Variants in NAV2 observed in about 807,000 individuals in gnomAD.
NAV2 encodes the protein neuron navigator 2, also known as helicase, APC down-regulated 1.
A neutral mutation model predicts 223.2 loss-of-function variants in NAV2; 54 were observed. The observed-to-expected ratio is 0.24, with a 90% CI of 0.19 to 0.30. The LOEUF (loss-of-function observed/expected upper bound fraction) is 0.30. Among genes scored for constraint, NAV2 ranks in the 10% least tolerant of loss-of-function variants. The pLI, the probability that NAV2 is intolerant of heterozygous loss-of-function variation, is 1.00. For synonymous variants in NAV2, 1,279 were observed against 1,239.3 expected (o/e 1.03, Z -0.67); for missense variants, 2,806 against 3,147.5 (o/e 0.89, Z 2.60).
At chr11:19,762,360 C>A (rs2054827664) in intron 1 of NAV2, among the ~76,000 whole-genome samples, 1 of 152,214 alleles carries the variant, frequency 6.6e-6, no homozygotes, top group Non-Finnish European at 1.5e-5. Context: ...CAAATCCCTA[C>A]AATGATATGC....
rs184636694 is a variant in NAV2 at position 19,795,259 on chromosome 11, A to G, written c.268-37225A>G. On this transcript the variant is annotated intron_variant, in intron 1 of 37. Transcript: ENST00000349880. ...ACTGCTGTCCTGATAAGCCAAATAGATTAGATATTTGGAATTCCCCAGAAC... is the reference window on the plus strand; with the variant it reads ...ACTGCTGTCCTGATAAGCCAAATAGGTTAGATATTTGGAATTCCCCAGAAC... 1.6e-4 allele frequency among the ~76,000 whole-genome samples: 25 copies of G among 152,354 alleles called. 1 individual carries two copies. The East Asian group carries it at 1.9e-3, about 12-fold the overall frequency.
At chr11:19,694,525 A>G (rs2049271459) in intron 1 of NAV2, among the ~76,000 whole-genome samples, 1 of 152,172 alleles carries the variant, frequency 6.6e-6, no homozygotes, top group Non-Finnish European at 1.5e-5. Flanking sequence ...GTTTTATCCT[A>G]TTTTACACTG....
rs191055474 is a variant in NAV2, at chr11:19,627,110, G to A, written c.76-205374G>A. On this transcript the variant is annotated intron_variant, in intron 1 of 37. Transcript: ENST00000360655. ...GAAGGTCAAGAGATCCATGTGGGCC[G>A]GGTGCGGTGACTCACGCCTGTAATC... Among the ~76,000 whole-genome samples the A allele has an allele frequency of 3.3e-3, 498 of 152,262 alleles. 5 individuals carry two copies. The highest frequency in any genetic ancestry group is 0.011 in the African/African-American group (475 of 41,542).
rs531364875 is a variant in NAV2, at chr11:20,018,001, G to T, written c.2769-17958G>T. On this transcript the variant is annotated intron_variant, in intron 11 of 37. Transcript: ENST00000349880. The stretch of plus-strand genomic sequence containing the variant: ...TTGTTCTGTTACTAGCAAGCAAGAA[G>T]AAAGCAACTGAATTGAGTATAATAC... Among the ~76,000 whole-genome samples the T allele has an allele frequency of 4.6e-5, 7 of 152,206 alleles. No individual in the cohort carries two copies. In the South Asian group the frequency reaches 1.4e-3, roughly 32 times the overall value.
In NAV2 at chr11:19,596,601, C is replaced by T. The variant is rs757650312; in HGVS notation, c.76-235883C>T. ...TTGGCCAGCCTCCCACTGCCCCGGA[C>T]ACCAGGGCAGTGGCCTCAGAGCAGA... On this transcript the variant is annotated intron_variant, in intron 1 of 37. Transcript: ENST00000360655. Among the ~76,000 whole-genome samples, 88 of 152,214 alleles carry T rather than the reference C, an allele frequency of 5.8e-4. 2 individuals are homozygous for T. The highest frequency in any genetic ancestry group is 7.9e-4 in the Non-Finnish European group (54 of 68,036).
chr11:19,809,836 GA>G (rs1400510836), intron 1 of NAV2, among the ~76,000 whole-genome samples: 2 of 152,192 alleles, frequency 1.3e-5, no homozygotes, highest in Non-Finnish European at 2.9e-5. Flanking sequence ...TAATTAGACT[GA>G]AGTTGTAGGT....
chr11:19,652,553 C>A (rs1294403050), intron 1 of NAV2, among the ~76,000 whole-genome samples: 1 of 152,226 alleles, frequency 6.6e-6, no homozygotes, highest in South Asian at 2.1e-4. Context: ...TCCCCCCACT[C>A]CACGCCCACC....
chr11:19,562,185 C>G (rs569054650), intron 1 of NAV2, among the ~76,000 whole-genome samples: 4 of 152,218 alleles, frequency 2.6e-5, no homozygotes, highest in Non-Finnish European at 5.9e-5. Flanking sequence ...AGTTACAGAA[C>G]TCTGACTGTG....
intron 10 of NAV2, among the ~76,000 whole-genome samples, chr11:19,962,041 C>T (rs778521292): frequency 2.0e-4 from 31 of 151,646 alleles, no homozygotes; most frequent in Non-Finnish European, 3.8e-4. Context: ...CAGATGCCCT[C>T]GTTGCAGGCC....
At chr11:19,948,518 C>A (rs2047120699) in intron 9 of NAV2, among the ~76,000 whole-genome samples, 173 bp from the exon 10 acceptor site, 1 of 152,178 alleles carries the variant, frequency 6.6e-6, no homozygotes, top group Non-Finnish European at 1.5e-5. Flanking sequence ...AGATGTGTAG[C>A]TTTCCTTTCT....
Position 20,118,284 on chromosome 11 carries a change from C to T in NAV2, c.*26C>T, listed in dbSNP as rs768722671. The T allele has an allele frequency of 3.7e-6, 6 of 1,611,958 alleles. No homozygotes were observed. The South Asian group carries it at 5.5e-5, about 15-fold the overall frequency. ...CAGGGGCCCGGAGCCCAGCGCCCTC[C>T]TCTTCTCCTCACCGCATTCCACCTG... On this transcript the variant is annotated 3_prime_UTR_variant, in exon 38 of 38. Transcript: ENST00000349880.
At chr11:20,083,649 T>G (rs1169650956) in intron 26 of NAV2, among the ~76,000 whole-genome samples, 1 of 152,192 alleles carries the variant, frequency 6.6e-6, no homozygotes, top group Non-Finnish European at 1.5e-5. Flanking sequence ...CAAGGAAAGT[T>G]GTCAGAGAGA....
At chr11:19,688,424 C>A (rs532088413) in intron 1 of NAV2, among the ~76,000 whole-genome samples, 2 of 152,132 alleles carry the variant, frequency 1.3e-5, no homozygotes, top group Admixed American at 6.5e-5. Flanking sequence ...CAGACTATGC[C>A]GTGGTAACAG....
intron 1 of NAV2, among the ~76,000 whole-genome samples, chr11:19,526,143 T>G (rs2043836507): frequency 6.6e-6 from 1 of 152,140 alleles, no homozygotes; most frequent in Admixed American, 6.5e-5. Context: ...CTTGTCTTTT[T>G]AAAAAAATCA....
At chr11:19,590,102 C>T (rs1449134878) in intron 1 of NAV2, among the ~76,000 whole-genome samples, 1 of 152,230 alleles carries the variant, frequency 6.6e-6, no homozygotes, top group Non-Finnish European at 1.5e-5. Context: ...TACTTAACCA[C>T]TGTGCCGACG....
In NAV2 at chr11:20,049,055, C is replaced by A; in HGVS notation, c.4230C>A (p.Ser1410Arg). ...AGTCTGTCAGCAGCCTCCACACCAG[C>A]TGTGAGTCCATCGACATCTCCCTCA... ...GFQSVSSLHT[S>R]CESIDISLSS... The change falls in exon 15 of 38, where the codon AGC (serine) becomes AGA (arginine). Residue 1410 changes from serine to arginine, a missense_variant. Ser to Arg is a moderately radical substitution (Grantham distance 110). Transcript: ENST00000349880. 1 of 1,614,158 alleles carries A rather than the reference C, an allele frequency of 6.2e-7. No homozygotes were observed. The highest frequency in any genetic ancestry group is 8.5e-7 in the Non-Finnish European group (1 of 1,180,034).
At chr11:19,947,532 G>A (rs2047030299) in intron 9 of NAV2, among the ~76,000 whole-genome samples, 1 of 152,190 alleles carries the variant, frequency 6.6e-6, no homozygotes, top group Non-Finnish European at 1.5e-5. Context: ...TGTTGGCATA[G>A]CAGTTTGACG....
At chr11:19,796,833 T>C (rs1483574997) in intron 1 of NAV2, among the ~76,000 whole-genome samples, 1 of 152,232 alleles carries the variant, frequency 6.6e-6, no homozygotes, top group Non-Finnish European at 1.5e-5. Flanking sequence ...TACTTGCTGC[T>C]TGTTACCATG....
At chr11:19,426,219 C>T (rs950237121) in intron 1 of NAV2, among the ~76,000 whole-genome samples, 15 of 152,246 alleles carry the variant, frequency 9.9e-5, no homozygotes, top group African/African-American at 3.1e-4. Context: ...AACCAGCTTG[C>T]CTCACAGCTC....
Sources: gnomAD v4.1 joint callset for allele counts (sites outside exome capture counted in the v4.1 genomes callset) on GRCh38, gnomAD v4.1.1 for gene constraint, MANE v1.5 for transcripts, NCBI Gene and HGNC (gene_info 2026-07-23, HGNC 2026-07-21) for gene names.